ADGRB3: variants seen among roughly 807,000 people sequenced by gnomAD.
The protein encoded by ADGRB3 is adhesion G protein-coupled receptor B3.
In ADGRB3, 37 loss-of-function variants were observed where a neutral mutation model predicts 193.4. The observed-to-expected ratio is 0.19, with a 90% confidence interval of 0.15 to 0.25. The LOEUF (loss-of-function observed/expected upper bound fraction) is 0.25. ADGRB3 is among the 10% of genes least tolerant of loss of function. The pLI is 1.00. For missense variants in ADGRB3, 1,637 were observed against 1,852.9 expected (o/e 0.88, Z 2.14); for synonymous variants, 690 against 644.2 (o/e 1.07, Z -1.08).
At chr6:68,779,460 G>A (rs1272765377) in intron 3 of ADGRB3, among the ~76,000 whole-genome samples, 1 of 151,956 alleles carries the variant, frequency 6.6e-6, no homozygotes, top group African/African-American at 2.4e-5. Flanking sequence ...CCCTGTTACA[G>A]ACAGAGATTA....
rs374026423 is a variant in ADGRB3 at position 69,238,582 on chromosome 6, G to A, written c.2712-542G>A. ...TTCAGGAAAAATATAAAGAGTAGCAGCCTAATTACATTCAAATGCTGGAGT... is the reference window on the plus strand; with the variant it reads ...TTCAGGAAAAATATAAAGAGTAGCAACCTAATTACATTCAAATGCTGGAGT... On this transcript the variant is annotated intron_variant, in intron 19 of 31. Transcript: ENST00000370598. Among the ~76,000 whole-genome samples, 183 of 152,100 alleles carry A rather than the reference G, an allele frequency of 1.2e-3. 2 individuals carry two copies. The South Asian group carries it at 0.03, about 25-fold the overall frequency.
intron 31 of ADGRB3, among the ~76,000 whole-genome samples, chr6:69,383,992 C>G (rs1770007426): frequency 6.6e-6 from 1 of 151,956 alleles, no homozygotes; most frequent in East Asian, 1.9e-4. Context: ...ATTTTATGAG[C>G]CTTAGCCCTA....
intron 3 of ADGRB3, among the ~76,000 whole-genome samples, chr6:68,800,101 T>G (rs991456219): frequency 6.6e-6 from 1 of 152,068 alleles, no homozygotes; most frequent in Non-Finnish European, 1.5e-5. Context: ...ACTGCAGCGG[T>G]TTATGAGGGA....
intron 31 of ADGRB3, 99 bp from the exon 32 acceptor site, chr6:69,388,604 C>A: frequency 8.6e-7 from 1 of 1,163,744 alleles, no homozygotes; most frequent in Non-Finnish European, 1.2e-6. Flanking sequence ...ATCACAGAAA[C>A]TGGATTAAGA....
chr6:69,140,648 A>G (rs1774308206), intron 17 of ADGRB3, among the ~76,000 whole-genome samples: 2 of 152,218 alleles, frequency 1.3e-5, no homozygotes, highest in Admixed American at 1.3e-4. Context: ...ATAACTAAAA[A>G]TATAGTTGAA....
intron 3 of ADGRB3, among the ~76,000 whole-genome samples, chr6:68,878,261 T>A (rs977729269): frequency 2.0e-5 from 3 of 152,230 alleles, no homozygotes; most frequent in Middle Eastern, 3.4e-3. Flanking sequence ...TTTACTTCAT[T>A]ATTATAAGAA....
chr6:68,777,208 C>T (rs1028057855), intron 3 of ADGRB3, among the ~76,000 whole-genome samples: 1 of 152,082 alleles, frequency 6.6e-6, no homozygotes, highest in Non-Finnish European at 1.5e-5. Flanking sequence ...GTTCTTGTCT[C>T]TGAAAGCACA....
intron 11 of ADGRB3, among the ~76,000 whole-genome samples, chr6:69,008,535 T>G (rs1451113070): frequency 6.6e-6 from 1 of 152,174 alleles, no homozygotes; most frequent in African/African-American, 2.4e-5. Flanking sequence ...CTGGCTGATA[T>G]TTTTATAACT....
At chr6:69,026,109 A>G (rs1384246286) in intron 13 of ADGRB3, among the ~76,000 whole-genome samples, 1 of 152,190 alleles carries the variant, frequency 6.6e-6, no homozygotes, top group Non-Finnish European at 1.5e-5. Flanking sequence ...GTCTCAGTGA[A>G]TGAATTAGAC....
rs530648903 is a variant in ADGRB3, at chr6:69,275,934, C to T, written c.2814+36708C>T. Among the ~76,000 whole-genome samples the T allele has an allele frequency of 2.6e-5, 4 of 152,284 alleles. No homozygotes were observed. In the East Asian group the frequency reaches 7.7e-4, roughly 29 times the overall value. On this transcript the variant is annotated intron_variant, in intron 20 of 31. Coordinates refer to ENST00000370598, the MANE Select transcript of ADGRB3 (RefSeq NM_001704.3). ...TTTAAAAAAGCCATGTCCAAACATA[C>T]ATGCTATAAGGTGGCTCTAGGCCTA...
intron 17 of ADGRB3, among the ~76,000 whole-genome samples, chr6:69,167,415 A>G (rs1173417089): frequency 6.6e-6 from 1 of 152,144 alleles, no homozygotes; most frequent in East Asian, 1.9e-4. Flanking sequence ...TATACATGGA[A>G]AAAAACTGTC....
rs564314193 is a variant in ADGRB3, at chr6:68,871,770, G to A, written c.758-58789G>A. ...AAAGTCATACATAAAAAGAAATATTGAGCATATGTCTTAATCATTAATGAC... is the reference window on the plus strand; with the variant it reads ...AAAGTCATACATAAAAAGAAATATTAAGCATATGTCTTAATCATTAATGAC... On this transcript the variant is annotated intron_variant, in intron 3 of 31. Coordinates refer to ENST00000370598, the MANE Select transcript of ADGRB3 (RefSeq NM_001704.3). Among the ~76,000 whole-genome samples the A allele has an allele frequency of 1.6e-3, 236 of 152,128 alleles. 1 individual carries two copies. Among genetic ancestry groups the A allele is most frequent in the African/African-American group, 5.5e-3 (227 of 41,526 alleles).
intron 17 of ADGRB3, among the ~76,000 whole-genome samples, chr6:69,128,573 G>T (rs1260605326): frequency 6.6e-6 from 1 of 151,642 alleles, no homozygotes; most frequent in African/African-American, 2.4e-5. Context: ...CACTCCAAAA[G>T]AAAAGAAAAC....
At chr6:69,278,141 A>T (rs983034719) in intron 20 of ADGRB3, among the ~76,000 whole-genome samples, 1 of 152,190 alleles carries the variant, frequency 6.6e-6, no homozygotes, top group Admixed American at 6.5e-5. Context: ...TGCAAAATTC[A>T]TACTTATAGG....
At chr6:68,709,754 T>C (rs1468740233) in intron 3 of ADGRB3, among the ~76,000 whole-genome samples, 1 of 152,198 alleles carries the variant, frequency 6.6e-6, no homozygotes, top group East Asian at 1.9e-4. Context: ...ATACATTATT[T>C]ATGTCAAACT....
chr6:68,849,081 G>A (rs538884124), intron 3 of ADGRB3, among the ~76,000 whole-genome samples: 1 of 151,934 alleles, frequency 6.6e-6, no homozygotes, highest in African/African-American at 2.4e-5. Context: ...TGAAATGTTT[G>A]AGTTGTTTAT....
intron 3 of ADGRB3, among the ~76,000 whole-genome samples, chr6:68,841,658 A>G (rs1025762457): frequency 2.0e-5 from 3 of 152,176 alleles, no homozygotes; most frequent in African/African-American, 7.2e-5. Context: ...AAAAAAGTAG[A>G]AAAACTTCAA....
chr6:69,163,872 C>A (rs1263799225), intron 17 of ADGRB3, among the ~76,000 whole-genome samples: 2 of 152,086 alleles, frequency 1.3e-5, no homozygotes, highest in Non-Finnish European at 2.9e-5. Context: ...CAGAGTAGAT[C>A]CTTCAGGTAT....
intron 26 of ADGRB3, among the ~76,000 whole-genome samples, chr6:69,346,997 GCA>G (rs935934489): frequency 3.1e-4 from 47 of 152,234 alleles, no homozygotes; most frequent in African/African-American, 1.1e-3. Flanking sequence ...AGAAAATGTG[GCA>G]CATACACACC....
Sources: allele counts gnomAD v4.1 joint callset (sites outside exome capture counted in the v4.1 genomes callset), GRCh38; gene constraint gnomAD v4.1.1; transcripts MANE v1.5; gene names NCBI Gene and HGNC (gene_info 2026-07-23, HGNC 2026-07-21).